SORBS3: variants seen among roughly 807,000 people sequenced by gnomAD.
SORBS3 encodes sorbin and SH3 domain containing 3, also known as vinexin.
SORBS3 carries 69 observed loss-of-function variants against 98.0 expected under a neutral mutation model. The observed-to-expected ratio is 0.70, with a 90% CI of 0.58 to 0.86. SORBS3 has a LOEUF of 0.86. SORBS3 is among the 40% of genes least tolerant of loss of function. The pLI is 0.00. For synonymous variants in SORBS3, 394 were observed against 355.4 expected (o/e 1.11, Z -1.22); for missense variants, 954 against 908.5 (o/e 1.05, Z -0.64).
intron 16 of SORBS3, among the ~76,000 whole-genome samples, chr8:22,567,662 T>C (rs1370826915): frequency 1.3e-5 from 2 of 152,220 alleles, no homozygotes; most frequent in Admixed American, 1.3e-4. Context: ...ATCCAGAATC[T>C]GAATCCAGGT....
intron 12 of SORBS3, 77 bp from the exon 13 acceptor site, chr8:22,566,268 G>C (rs1188575104): frequency 3.1e-5 from 46 of 1,505,340 alleles, no homozygotes; most frequent in Non-Finnish European, 3.8e-5. Context: ...GGCGATGGGG[G>C]GTCAGAGCGG....
intron 20 of SORBS3, 102 bp downstream of exon 20, chr8:22,572,548 A>C (rs376731380): frequency 1.4e-5 from 13 of 907,694 alleles, no homozygotes; most frequent in Admixed American, 6.1e-5. Context: ...ATGGCCGACC[A>C]CCCCCCGACT....
At chr8:22,550,030 G>A, upstream of SORBS3, 9 of 985,222 alleles carry the variant, frequency 9.1e-6, no homozygotes, top group Non-Finnish European at 1.1e-5. Flanking sequence ...AAGCGATGTG[G>A]TCCTTCTTAG....
At chr8:22,551,749 C>G (rs924880122), upstream of SORBS3, 4 of 985,230 alleles carry the variant, frequency 4.1e-6, 1 homozygote. This position sits in a 1 kb window ranked among gnomAD's most constrained non-coding sequence, Gnocchi z 5.8. Context: ...TCCGGCCCAG[C>G]CCCGGCCCGC....
chr8:22,569,653 A>C lies in SORBS3; in HGVS notation c.1431+380A>C, dbSNP rs554130809. 9.2e-5 allele frequency among the ~76,000 whole-genome samples: 14 copies of C among 152,286 alleles called. No individual in the cohort carries two copies. In the South Asian group the frequency reaches 2.9e-3, roughly 32 times the overall value. On this transcript the variant is annotated intron_variant, in intron 17 of 20. Coordinates refer to ENST00000240123, the MANE Select transcript of SORBS3 (RefSeq NM_005775.5). ...GCGCCTGGCCTAAAAACACTTCTTT[A>C]AAAAAGAGTCCGATGTACCTAGCTT...
At chr8:22,574,596 GC>G (rs1840679222) in intron 20 of SORBS3, 70 bp from the exon 21 acceptor site, 1 of 1,481,842 alleles carries the variant, frequency 6.7e-7, no homozygotes, top group Admixed American at 1.9e-5. Context: ...CCGGCAGGGG[GC>G]AGGCCCTCAC....
Position 22,569,280 on chromosome 8 carries a change from C to G in SORBS3, c.1431+7C>G, listed in dbSNP as rs750169153. On this transcript the variant is annotated splice_region_variant and intron_variant, in intron 17 of 20. Transcript: ENST00000240123. Reference sequence around the variant, plus strand: ...GGAGCTGTCCTTCCGCAAGGTGGGCCAGGCCGGAGACGGAGGGGTGGGTGG... The same window carrying G: ...GGAGCTGTCCTTCCGCAAGGTGGGCGAGGCCGGAGACGGAGGGGTGGGTGG... 6 of 1,583,250 alleles carry G rather than the reference C, an allele frequency of 3.8e-6. No homozygotes were observed. In the East Asian group the frequency reaches 1.4e-4, roughly 37 times the overall value.
At chr8:22,563,578 C>A (rs1465762503) in intron 7 of SORBS3, among the ~76,000 whole-genome samples, 1 of 152,190 alleles carries the variant, frequency 6.6e-6, no homozygotes, top group Non-Finnish European at 1.5e-5. Flanking sequence ...ACGCACATAG[C>A]CACAGTCATG....
Position 22,575,146 on chromosome 8 carries a change from C to T in SORBS3, c.*418C>T, listed in dbSNP as rs1840701789. 1 of 327,888 alleles carries T rather than the reference C, an allele frequency of 3.0e-6. No homozygotes were observed. Among genetic ancestry groups the T allele is most frequent in the Non-Finnish European group, 6.0e-6 (1 of 165,352 alleles). The allele number at this position is 327,888 out of a possible 1,614,324, so 20.3% of individuals were successfully genotyped here. A position where few individuals can be genotyped will look rare whatever the true frequency, so the allele number is the denominator to read the frequency against. ...CTAGCCTCGTAGAGACCAAAGGCCG[C>T]CCCCGCCTGCTGGGGTTCCTCCCAG... is the stretch of plus-strand genomic sequence containing the variant. On this transcript the variant is annotated 3_prime_UTR_variant, in exon 21 of 21. Coordinates refer to ENST00000240123, the MANE Select transcript of SORBS3 (RefSeq NM_005775.5).
At position 22,554,538 on chromosome 8, in the gene SORBS3, G is replaced by C. The variant is rs1224048608; in HGVS notation, c.32G>C (p.Gly11Ala). The change falls in exon 2 of 21, where the codon GGG (glycine) becomes GCG (alanine). Residue 11 changes from glycine to alanine, a missense_variant. By Grantham distance (60) the Gly-to-Ala change is moderately conservative. Transcript: ENST00000240123. This position sits in a 1 kb window ranked among gnomAD's most constrained non-coding sequence, Gnocchi z 6.5. MQGPPRSLRA[G>A]LSLDDFIPGH... ...GGCCCACCCCGCAGCCTCCGCGCTGGGCTCAGCCTGGACGACTTCATCCCT... is the reference window on the plus strand; with the variant it reads ...GGCCCACCCCGCAGCCTCCGCGCTGCGCTCAGCCTGGACGACTTCATCCCT... 6.2e-7 allele frequency: 1 copy of C among 1,612,650 alleles called. No homozygotes were observed. Among genetic ancestry groups the C allele is most frequent in the African/African-American group, 1.3e-5 (1 of 74,920 alleles).
upstream of SORBS3, among the ~76,000 whole-genome samples, chr8:22,548,936 G>A (rs1170687008): frequency 1.3e-5 from 2 of 152,204 alleles, no homozygotes; most frequent in Non-Finnish European, 2.9e-5. Context: ...TCCCTGTGAA[G>A]AGCCACATTT....
chr8:22,564,551 G>GC (rs771752263), intron 10 of SORBS3, 30 bp downstream of exon 10: 11 of 1,612,600 alleles, frequency 6.8e-6, no homozygotes, highest in Admixed American at 1.7e-5. Flanking sequence ...GGGGACAGCA[G>GC]CCTGATAAAC....
chr8:22,573,473 A>G, intron 20 of SORBS3: 1 of 446,764 alleles, frequency 2.2e-6, no homozygotes, highest in Non-Finnish European at 4.5e-6. Flanking sequence ...CTCAAATGAA[A>G]TAAATTAAAA....
At chr8:22,565,061 G>C in intron 10 of SORBS3, 4 of 1,420,946 alleles carry the variant, frequency 2.8e-6, no homozygotes, top group South Asian at 1.5e-5. Context: ...CACTCCCGGG[G>C]CGTGCTGGGC....
In SORBS3 at chr8:22,564,311, A is replaced by G. The variant is rs753263347; in HGVS notation, c.704A>G (p.Asn235Ser). 1.2e-6 allele frequency: 2 copies of G among 1,612,036 alleles called. No homozygotes were observed. Among genetic ancestry groups the G allele is most frequent in the South Asian group, 1.1e-5 (1 of 90,828 alleles). The change falls in exon 9 of 21, where the codon AAT (asparagine) becomes AGT (serine). Residue 235 changes from asparagine (N) to serine (S), a missense_variant. Asn to Ser is a conservative substitution (Grantham distance 46). Coordinates refer to ENST00000240123, the MANE Select transcript of SORBS3 (RefSeq NM_005775.5). ...CTCAGACGCCGGGAAAAAGTAGACA[A>G]TGTCTGGACGGAAGAGTCCTGGAAC... ...QVLRRREKVD[N>S]VWTEESWNQF...
chr8:22,570,825 G>A (rs1840556317), intron 17 of SORBS3, 85 bp from the exon 18 acceptor site: 3 of 1,244,414 alleles, frequency 2.4e-6, no homozygotes, highest in Admixed American at 4.2e-5. Flanking sequence ...CAAGGTGTTA[G>A]GGTTGAATGA....
chr8:22,572,258 C>T, intron 19 of SORBS3, 82 bp from the exon 20 acceptor site: 1 of 1,133,242 alleles, frequency 8.8e-7, no homozygotes. Context: ...TGAAGGGACC[C>T]TGGGGCATTC....
chr8:22,566,322 C>A, intron 12 of SORBS3, 23 bp from the exon 13 acceptor site: 1 of 1,609,024 alleles, frequency 6.2e-7, no homozygotes, highest in African/African-American at 1.3e-5. Context: ...AGGCTGGAGG[C>A]TCAGTCTCTG....
chr8:22,565,041 AGCGCGTAG>A, intron 10 of SORBS3: 1 of 1,405,024 alleles, frequency 7.1e-7, no homozygotes, highest in Non-Finnish European at 9.2e-7. Flanking sequence ...GGGATCAGGA[AGCGCGTAG>A]GCACTCCCGG....
Sources: gnomAD v4.1 joint callset for allele counts (sites outside exome capture counted in the v4.1 genomes callset) on GRCh38, gnomAD v4.1.1 for gene constraint, Gnocchi (gnomAD v3.1) non-coding constraint, MANE v1.5 for transcripts, NCBI Gene and HGNC (gene_info 2026-07-23, HGNC 2026-07-21) for gene names.